TCF4: variants seen among roughly 807,000 people sequenced by gnomAD.
TCF4 encodes the protein SL3-3 enhancer factor 2.
In TCF4, 3 loss-of-function variants were observed where a neutral mutation model predicts 82.1. That is an observed-to-expected ratio of 0.04 (90% CI 0.02 to 0.09). The LOEUF is 0.09. Ranked by LOEUF, TCF4 falls within the 10% of genes least tolerant of loss-of-function variation. The pLI, the probability that TCF4 is intolerant of heterozygous loss-of-function variation, is 1.00. For synonymous variants in TCF4, 276 were observed against 309.6 expected, an observed-to-expected ratio of 0.89 and a Z score of 1.14; for missense variants, 518 against 852.7, an observed-to-expected ratio of 0.61 and a Z score of 4.89.
chr18:55,279,994 C>A (rs1276485252), intron 8 of TCF4, among the ~76,000 whole-genome samples: 1 of 152,034 alleles, frequency 6.6e-6, no homozygotes, highest in Non-Finnish European at 1.5e-5. Context: ...ACAGATGGCC[C>A]ATAAGCATGT....
chr18:55,430,528 A>G (rs2095155955), intron 5 of TCF4, among the ~76,000 whole-genome samples: 1 of 152,310 alleles, frequency 6.6e-6, no homozygotes, highest in East Asian at 1.9e-4. Flanking sequence ...TACATGGGTG[A>G]CCCAAGATCA....
intron 5 of TCF4, among the ~76,000 whole-genome samples, chr18:55,454,346 G>A (rs2095690390): frequency 6.6e-6 from 1 of 152,016 alleles, no homozygotes; most frequent in African/African-American, 2.4e-5. Context: ...CTGGTTTAGG[G>A]TCTTCTTCTT....
chr18:55,373,159 A>G (rs1339315579), intron 6 of TCF4, among the ~76,000 whole-genome samples: 2 of 151,962 alleles, frequency 1.3e-5, no homozygotes, highest in Non-Finnish European at 2.9e-5. Flanking sequence ...ACAAACCATC[A>G]AAAATAAAAC....
chr18:55,255,398 C>A (rs1017473887), intron 14 of TCF4, among the ~76,000 whole-genome samples: 2 of 152,234 alleles, frequency 1.3e-5, no homozygotes, highest in Non-Finnish European at 2.9e-5. Flanking sequence ...TCACTGGGGG[C>A]ATCTAACTGA....
intron 4 of TCF4, among the ~76,000 whole-genome samples, chr18:55,463,811 T>A (rs1354167373): frequency 6.6e-6 from 1 of 152,046 alleles, no homozygotes; most frequent in South Asian, 2.1e-4. Flanking sequence ...TTAGCAGAAG[T>A]GGAACAGGTG....
intron 3 of TCF4, among the ~76,000 whole-genome samples, chr18:55,514,014 A>C (rs991371149): frequency 4.6e-5 from 7 of 152,218 alleles, no homozygotes; most frequent in Admixed American, 2.6e-4. Flanking sequence ...TATAAAGATA[A>C]GCAAAATCTA....
chr18:55,323,224 C>T (rs1735246041), intron 8 of TCF4, among the ~76,000 whole-genome samples: 1 of 152,094 alleles, frequency 6.6e-6, no homozygotes, highest in South Asian at 2.1e-4. Context: ...GAAAGGAGGG[C>T]CTCTGGGAAT....
chr18:55,595,209 T>G (rs1341108151), intron 2 of TCF4, among the ~76,000 whole-genome samples: 1 of 152,228 alleles, frequency 6.6e-6, no homozygotes, highest in Non-Finnish European at 1.5e-5. Flanking sequence ...AATGAAAGAT[T>G]GTCAAAGATG....
intron 15 of TCF4, among the ~76,000 whole-genome samples, chr18:55,249,748 GA>G (rs1434578169): frequency 6.6e-6 from 1 of 152,196 alleles, no homozygotes; most frequent in Non-Finnish European, 1.5e-5. Flanking sequence ...TGCGATATAT[GA>G]ATAGTAGAGG....
chr18:55,538,026 G>GCGCACACACA (rs1277287061), intron 3 of TCF4, among the ~76,000 whole-genome samples: 93 of 131,568 alleles, frequency 7.1e-4, no homozygotes, highest in East Asian at 2.7e-3. Flanking sequence ...CTGCGCGCGC[G>GCGCACACACA]CACACACACA....
chr18:55,399,012 A>T (rs1472615484), intron 6 of TCF4, among the ~76,000 whole-genome samples: 1 of 152,238 alleles, frequency 6.6e-6, no homozygotes, highest in Admixed American at 6.5e-5. Context: ...TAAATTAAAA[A>T]GCGATGTGTA....
chr18:55,440,780 A>C (rs1189253366), intron 5 of TCF4, among the ~76,000 whole-genome samples: 1 of 152,134 alleles, frequency 6.6e-6, no homozygotes, highest in Non-Finnish European at 1.5e-5. Context: ...CTTCGTAAGT[A>C]ATTGCTCTGT....
At chr18:55,377,362 G>C (rs1310187595) in intron 6 of TCF4, among the ~76,000 whole-genome samples, 4 of 152,018 alleles carry the variant, frequency 2.6e-5, no homozygotes, top group Admixed American at 2.0e-4. Flanking sequence ...AAATATGACA[G>C]GTACAAAACA....
Position 55,232,601 on chromosome 18 carries a change from A to G in TCF4, c.1557T>C (p.Gly519=). The stretch of plus-strand genomic sequence containing the variant: ...ATTTCGTGTCTTGCAGGTTCTCATC[A>G]CCCTCGTCATCGGATTTGATCTCAG... ...GSSEIKSDDE[G]DENLQDTKSS... The change falls in exon 17 of 20, where the codon GGT becomes GGC. Residue 519 remains glycine, a synonymous_variant. Transcript: ENST00000354452. The G allele has an allele frequency of 6.2e-7, 1 of 1,613,930 alleles. No individual in the cohort carries two copies. The highest frequency in any genetic ancestry group is 8.5e-7 in the Non-Finnish European group (1 of 1,180,010).
At chr18:55,579,776 A>C (rs1366904538) in intron 3 of TCF4, among the ~76,000 whole-genome samples, 1 of 152,042 alleles carries the variant, frequency 6.6e-6, no homozygotes, top group Non-Finnish European at 1.5e-5. Context: ...TTCCAATATA[A>C]AATGTAGTTT....
intron 1 of TCF4, among the ~76,000 whole-genome samples, chr18:55,587,593 C>A (rs1303166512): frequency 6.6e-6 from 1 of 151,480 alleles, no homozygotes; most frequent in Non-Finnish European, 1.5e-5. Context: ...CACACTCACA[C>A]TCGCACACGC....
intron 5 of TCF4, among the ~76,000 whole-genome samples, chr18:55,447,853 G>A (rs2095552726): frequency 6.6e-6 from 1 of 152,114 alleles, no homozygotes; most frequent in South Asian, 2.1e-4. Context: ...AACTGCTTAT[G>A]ATACAACCAA....
chr18:55,579,751 G>C (rs1056419451), intron 3 of TCF4, among the ~76,000 whole-genome samples: 1 of 151,992 alleles, frequency 6.6e-6, no homozygotes, highest in Non-Finnish European at 1.5e-5. Context: ...CTATGACTTG[G>C]ACGAGGTTGC....
At chr18:55,487,448 G>A (rs1209499629) in intron 3 of TCF4, among the ~76,000 whole-genome samples, 1 of 152,028 alleles carries the variant, frequency 6.6e-6, no homozygotes, top group Non-Finnish European at 1.5e-5. Flanking sequence ...CCTGGCTAAG[G>A]GCTCAATGAA....
Sources: gnomAD v4.1 joint callset for allele counts (sites outside exome capture counted in the v4.1 genomes callset) on GRCh38, gnomAD v4.1.1 for gene constraint, MANE v1.5 for transcripts, NCBI Gene and HGNC (gene_info 2026-07-23, HGNC 2026-07-21) for gene names.